Variants in GAPVD1 observed in about 807,000 individuals in gnomAD.
GAPVD1 encodes the protein GTPase-activating protein and VPS9 domain-containing protein 1.
In GAPVD1, 35 loss-of-function variants were observed where a neutral mutation model predicts 155.5. The ratio of observed to expected loss-of-function variants is 0.23; its 90% CI spans 0.17 to 0.30. The LOEUF (loss-of-function observed/expected upper bound fraction) is 0.30. GAPVD1 is among the 10% of genes least tolerant of loss of function. The pLI is 1.00. For missense variants in GAPVD1, 1,429 were observed against 1,775.7 expected, an observed-to-expected ratio of 0.80 and a Z score of 3.51; for synonymous variants, 636 against 619.7, an observed-to-expected ratio of 1.03 and a Z score of -0.39.
intron 20 of GAPVD1, among the ~76,000 whole-genome samples, chr9:125,348,268 G>T (rs539395917): frequency 6.6e-6 from 1 of 152,206 alleles, no homozygotes; most frequent in East Asian, 1.9e-4. Flanking sequence ...TGTTGCCCAG[G>T]CTGGTCTCTC....
At chr9:125,336,859 T>C (rs1847093992) in intron 15 of GAPVD1, 159 bp from the exon 16 acceptor site, 1 of 587,712 alleles carries the variant, frequency 1.7e-6, no homozygotes, top group South Asian at 2.1e-5. Context: ...GAAAATGAAT[T>C]GGAAGTAATC....
chr9:125,312,530 A>G lies in GAPVD1; in HGVS notation c.1520A>G (p.Gln507Arg). 6.2e-7 allele frequency: 1 copy of G among 1,610,600 alleles called. No individual in the cohort carries two copies. Among genetic ancestry groups the G allele is most frequent in the Non-Finnish European group, 8.5e-7 (1 of 1,178,276 alleles). The change falls in exon 9 of 28, where the codon CAG becomes CGG. Residue 507 changes from glutamine (Q) to arginine (R), a missense_variant. Gln to Arg is a conservative substitution (Grantham distance 43, BLOSUM62 1). Coordinates refer to ENST00000297933, the MANE Select transcript of GAPVD1 (RefSeq NM_001282680.3). Reference sequence around the variant, plus strand: ...GAAGGATCATCTCAAGAAACCATTCAGGAGGTGCAACCAGAAGAGGTGTTG... The same window carrying G: ...GAAGGATCATCTCAAGAAACCATTCGGGAGGTGCAACCAGAAGAGGTGTTG... The part of the protein sequence containing the change: ...DHEGSSQETI[Q>R]EVQPEEVLVI...
At chr9:125,314,746 CAT>C (rs1345510432) in intron 9 of GAPVD1, among the ~76,000 whole-genome samples, 1 of 150,746 alleles carries the variant, frequency 6.6e-6, no homozygotes, top group Non-Finnish European at 1.5e-5. Context: ...AGTCTCTTCT[CAT>C]AGAATTGTGA....
At chr9:125,329,610 T>C (rs1845778838) in intron 12 of GAPVD1, among the ~76,000 whole-genome samples, 1 of 150,996 alleles carries the variant, frequency 6.6e-6, no homozygotes. Context: ...GGCCTCTTTC[T>C]TGTAGGTAGA....
chr9:125,336,960 T>C (rs1847114182), intron 15 of GAPVD1, 58 bp from the exon 16 acceptor site: 1 of 950,710 alleles, frequency 1.1e-6, no homozygotes, highest in East Asian at 2.4e-5. Context: ...CTTTAAACTG[T>C]GTTGAGACCG....
Position 125,350,422 on chromosome 9 carries a change from C to T in GAPVD1, c.3409+18C>T, listed in dbSNP as rs376917533. The T allele has an allele frequency of 6.7e-6, 10 of 1,489,290 alleles. No individual in the cohort carries two copies. Among genetic ancestry groups the T allele is most frequent in the Middle Eastern group, 1.7e-4 (1 of 5,856 alleles). 92.3% of individuals were successfully genotyped at this position (1,489,290 alleles called of 1,614,324 possible). A position where few individuals can be genotyped will look rare whatever the true frequency, so the allele number is the denominator to read the frequency against. On this transcript the variant is annotated intron_variant, in intron 22 of 27. Coordinates refer to ENST00000297933, the MANE Select transcript of GAPVD1 (RefSeq NM_001282680.3). ...CCCAGAAGGTAAATTGCTGCAGGAT[C>T]GTTTAATTTTTCCTATGTTTATGGG...
At position 125,365,279 on chromosome 9, in the gene GAPVD1, T is replaced by C. The variant is rs1016923326; in HGVS notation, c.*2533T>C. On this transcript the variant is annotated 3_prime_UTR_variant, in exon 28 of 28. Transcript: ENST00000297933. ...CTACTTTGGCATTAACCATCACTGTTTGATTTCTTGACAGGTATGTGAGAT... is the reference window on the plus strand; with the variant it reads ...CTACTTTGGCATTAACCATCACTGTCTGATTTCTTGACAGGTATGTGAGAT... 2.0e-5 allele frequency: 3 copies of C among 152,140 alleles called. No homozygotes were observed. Among genetic ancestry groups the C allele is most frequent in the African/African-American group, 7.2e-5 (3 of 41,420 alleles). The allele number at this position is 152,140 out of a possible 1,614,324, so 9.4% of individuals were successfully genotyped here.
At chr9:125,283,903 C>T (rs761676133) in intron 2 of GAPVD1, among the ~76,000 whole-genome samples, 3 of 150,932 alleles carry the variant, frequency 2.0e-5, no homozygotes, top group African/African-American at 4.9e-5. Context: ...TATGGAGTCT[C>T]GCTCTGTCAC....
intron 23 of GAPVD1, among the ~76,000 whole-genome samples, chr9:125,353,628 A>G (rs1849616242): frequency 6.6e-6 from 1 of 152,228 alleles, no homozygotes; most frequent in African/African-American, 2.4e-5. Context: ...TAACAGTTCC[A>G]TGTGGCTGGG....
At chr9:125,269,947 A>G (rs2841313) in intron 2 of GAPVD1, among the ~76,000 whole-genome samples, 90,974 of 151,130 alleles carry the variant, frequency 0.6, 29,445 homozygotes, top group African/African-American at 0.87. Flanking sequence ...TTGAACTCCT[A>G]CTCTCAAGTG....
At chr9:125,306,131 C>T (rs2131021195) in intron 6 of GAPVD1, among the ~76,000 whole-genome samples, 1 of 152,154 alleles carries the variant, frequency 6.6e-6, no homozygotes, top group East Asian at 1.9e-4. Context: ...GTCTTCATTC[C>T]CTGCCCCCAC....
Position 125,362,596 on chromosome 9 carries a change from A to T in GAPVD1, c.4243-10A>T, listed in dbSNP as rs1210133045. 3 of 1,575,668 alleles carry T rather than the reference A, an allele frequency of 1.9e-6. No homozygotes were observed. Among genetic ancestry groups the T allele is most frequent in the Admixed American group, 1.9e-5 (1 of 52,460 alleles). ...AGTAATTGATTCTTTTTTATTTTTC[A>T]CTTCTCTAGGCAAATCCACCCTGTT... On this transcript the variant is annotated splice_polypyrimidine_tract_variant and intron_variant, in intron 27 of 27. Transcript: ENST00000297933.
chr9:125,272,131 C>A (rs1315009273), intron 2 of GAPVD1, among the ~76,000 whole-genome samples: 1 of 152,068 alleles, frequency 6.6e-6, no homozygotes. Flanking sequence ...TCAAGCGATT[C>A]TCCTGCCTCA....
chr9:125,280,428 T>C (rs1275085951), intron 2 of GAPVD1, among the ~76,000 whole-genome samples: 2 of 140,488 alleles, frequency 1.4e-5, no homozygotes, highest in Non-Finnish European at 3.1e-5. Flanking sequence ...AAAGAATAAA[T>C]GAGACCATCC....
intron 13 of GAPVD1, 69 bp downstream of exon 13, chr9:125,330,287 C>A: frequency 2.0e-6 from 2 of 1,002,494 alleles, no homozygotes; most frequent in Non-Finnish European, 2.9e-6. Context: ...GGTATCCCAA[C>A]TCTGTATTAT....
At chr9:125,328,954 A>G (rs1044661324) in intron 12 of GAPVD1, among the ~76,000 whole-genome samples, 4 of 152,186 alleles carry the variant, frequency 2.6e-5, no homozygotes, top group African/African-American at 7.2e-5. Context: ...CAACACAGTG[A>G]AACCCCGTCT....
chr9:125,360,934 C>T (rs1174745169), intron 27 of GAPVD1, among the ~76,000 whole-genome samples: 2 of 152,080 alleles, frequency 1.3e-5, no homozygotes, highest in Non-Finnish European at 2.9e-5. Context: ...TGATCTCAGC[C>T]CACTGCAACC....
Position 125,332,512 on chromosome 9 carries a change from A to G in GAPVD1, c.2311A>G (p.Ile771Val), listed in dbSNP as rs763582207. 3 of 1,589,832 alleles carry G rather than the reference A, an allele frequency of 1.9e-6. No homozygotes were observed. Among genetic ancestry groups the G allele is most frequent in the African/African-American group, 1.4e-5 (1 of 73,720 alleles). The change falls in exon 15 of 28, where the codon ATA becomes GTA. Residue 771 changes from isoleucine (I) to valine (V), a missense_variant and splice_region_variant. Ile to Val is a conservative substitution (Grantham distance 29). This residue lies in a region of GAPVD1 where 699 missense variants were observed against 826.0 expected (regional missense o/e 0.85). Coordinates refer to ENST00000297933, the MANE Select transcript of GAPVD1 (RefSeq NM_001282680.3). ...TTTTTTACTATTGTTTTTTAAAGGCATAAGTGCAACCTCTGAGGATATTCC... is the reference window on the plus strand; with the variant it reads ...TTTTTTACTATTGTTTTTTAAAGGCGTAAGTGCAACCTCTGAGGATATTCC... ...STPGLSVVSG[I>V]SATSEDIPNK...
chr9:125,293,336 C>T (rs1171194342), intron 2 of GAPVD1, among the ~76,000 whole-genome samples: 1 of 152,004 alleles, frequency 6.6e-6, no homozygotes, highest in Non-Finnish European at 1.5e-5. Context: ...TTGTTCTTAG[C>T]TTCACAGTTG....
Sources: gnomAD v4.1 joint callset for allele counts (sites outside exome capture counted in the v4.1 genomes callset) on GRCh38, gnomAD v4.1.1 for gene constraint, gnomAD v4.1.1 regional missense constraint, MANE v1.5 for transcripts, NCBI Gene and HGNC (gene_info 2026-07-23, HGNC 2026-07-21) for gene names.